Variants in KCNQ3 observed in about 807,000 individuals in gnomAD.
The protein encoded by KCNQ3 is potassium voltage-gated channel subfamily KQT member 3.
KCNQ3 carries 30 observed loss-of-function variants against 92.5 expected under a neutral mutation model. The observed-to-expected ratio is 0.32, with a 90% CI of 0.24 to 0.44. The LOEUF is 0.44. KCNQ3 is among the 20% of genes least tolerant of loss of function. KCNQ3 has a pLI of 1.00. For missense variants in KCNQ3, 913 were observed against 1,140.3 expected, an observed-to-expected ratio of 0.80 and a Z score of 2.87; for synonymous variants, 450 against 468.8, an observed-to-expected ratio of 0.96 and a Z score of 0.52.
intron 1 of KCNQ3, among the ~76,000 whole-genome samples, chr8:132,402,041 G>A (rs1340014514): frequency 6.6e-6 from 1 of 152,182 alleles, no homozygotes; most frequent in Non-Finnish European, 1.5e-5. Context: ...TGCAGACCTG[G>A]GGGCAAGGGT....
chr8:132,181,628 C>T (rs1428297154), intron 3 of KCNQ3, among the ~76,000 whole-genome samples: 1 of 152,302 alleles, frequency 6.6e-6, no homozygotes, highest in East Asian at 1.9e-4. Context: ...GCAAAGCCCT[C>T]TGTGTTCTGG....
intron 1 of KCNQ3, among the ~76,000 whole-genome samples, chr8:132,355,651 A>C (rs189566101): frequency 6.6e-6 from 1 of 152,158 alleles, no homozygotes; most frequent in Non-Finnish European, 1.5e-5. Flanking sequence ...CAAAGAGAAA[A>C]AGGGATGAGA....
chr8:132,186,797 T>C (rs1826969772), intron 1 of KCNQ3, among the ~76,000 whole-genome samples: 1 of 152,218 alleles, frequency 6.6e-6, no homozygotes, highest in Non-Finnish European at 1.5e-5. Context: ...GCATGCAGAA[T>C]GCTGGTCCTT....
chr8:132,229,546 G>A (rs1814561495), intron 1 of KCNQ3, among the ~76,000 whole-genome samples: 1 of 152,060 alleles, frequency 6.6e-6, no homozygotes, highest in African/African-American at 2.4e-5. Context: ...CATTTTGAAG[G>A]TGTGTTCAAG....
intron 1 of KCNQ3, among the ~76,000 whole-genome samples, chr8:132,195,406 AGCTGAGCCAG>A (rs1827273807): frequency 6.6e-6 from 1 of 152,254 alleles, no homozygotes; most frequent in Non-Finnish European, 1.5e-5. Context: ...AACTTGACGC[AGCTGAGCCAG>A]GCAATGGCAG....
rs920067943 is a variant in KCNQ3, at chr8:132,239,329, C to T, written c.387-53148G>A. On this transcript the variant is annotated intron_variant, in intron 1 of 14. Transcript: ENST00000388996. ...AAATCCAAGAAGATGTAATCAACCA[C>T]ATTCTCACACATGAATAAATAAAAG... 3.9e-5 allele frequency among the ~76,000 whole-genome samples: 6 copies of T among 152,314 alleles called. No individual in the cohort carries two copies. In the South Asian group the frequency reaches 1.2e-3, roughly 32 times the overall value.
At position 132,329,451 on chromosome 8, in the gene KCNQ3, A is replaced by G. The variant is rs560003480; in HGVS notation, c.387-143270T>C. On this transcript the variant is annotated intron_variant, in intron 1 of 14. Coordinates refer to ENST00000388996, the MANE Select transcript of KCNQ3 (RefSeq NM_004519.4). ...TATATATAGCAAAACGTCTGCTAGT[A>G]GAAAAGGATACTGGATTCTGAGATT... Among the ~76,000 whole-genome samples, 23 of 152,264 alleles carry G rather than the reference A, an allele frequency of 1.5e-4. No homozygotes were observed. In the South Asian group the frequency reaches 4.8e-3, roughly 32 times the overall value.
At chr8:132,403,043 T>C (rs1820387084) in intron 1 of KCNQ3, among the ~76,000 whole-genome samples, 1 of 103,588 alleles carries the variant, frequency 9.7e-6, no homozygotes, top group Non-Finnish European at 1.9e-5. Context: ...GTGTCAATAT[T>C]GGTATGTCAA....
chr8:132,418,241 G>T (rs1346509041), intron 1 of KCNQ3, among the ~76,000 whole-genome samples: 1 of 152,196 alleles, frequency 6.6e-6, no homozygotes, highest in Admixed American at 6.5e-5. Flanking sequence ...CAGACCATAG[G>T]CTTTCTGAAG....
chr8:132,196,376 T>A (rs1370512601), intron 1 of KCNQ3, among the ~76,000 whole-genome samples: 1 of 152,228 alleles, frequency 6.6e-6, no homozygotes, highest in Non-Finnish European at 1.5e-5. Context: ...TGCATTCCCA[T>A]AGGATTTCTT....
chr8:132,402,632 T>C (rs1053627379), intron 1 of KCNQ3, among the ~76,000 whole-genome samples: 12 of 152,134 alleles, frequency 7.9e-5, no homozygotes, highest in African/African-American at 2.9e-4. Flanking sequence ...GATACTATAA[T>C]GGTGGACATA....
chr8:132,306,507 G>T (rs7010949), intron 1 of KCNQ3, among the ~76,000 whole-genome samples: 118,362 of 152,124 alleles, frequency 0.78, 46,509 homozygotes, highest in East Asian at 0.92. Context: ...GGTGCCACCC[G>T]GAAACCTCAA....
chr8:132,286,695 T>C (rs948026424), intron 1 of KCNQ3, among the ~76,000 whole-genome samples: 2 of 152,202 alleles, frequency 1.3e-5, no homozygotes. Flanking sequence ...AGGACTGCTA[T>C]GGTTTAGATG....
chr8:132,213,578 T>C lies in KCNQ3; in HGVS notation c.387-27397A>G, dbSNP rs184468788. ...ACCCTCAGCTACTGCAGAGTGCATG[T>C]CACCCCTCTCATGCTGAGCTGATGG... is the stretch of plus-strand genomic sequence containing the variant. On this transcript the variant is annotated intron_variant, in intron 1 of 14. Transcript: ENST00000388996. Among the ~76,000 whole-genome samples, 417 of 152,298 alleles carry C rather than the reference T, an allele frequency of 2.7e-3. 12 individuals are homozygous for C. The highest frequency in any genetic ancestry group is 0.026 in the Admixed American group (402 of 15,296).
At chr8:132,361,031 C>T (rs1819151826) in intron 1 of KCNQ3, among the ~76,000 whole-genome samples, 1 of 152,198 alleles carries the variant, frequency 6.6e-6, no homozygotes, top group South Asian at 2.1e-4. Flanking sequence ...GCTCTTATCT[C>T]TCTGGTTTCC....
Position 132,121,208 on chromosome 8 carries a change from T to A in KCNQ3, c.*8054A>T, listed in dbSNP as rs987964156. On this transcript the variant is annotated 3_prime_UTR_variant, in exon 15 of 15. Transcript: ENST00000388996. ...CAATCCAAAATCAAATATAATGGAT[T>A]CATGTCACTGGGAACCTCCATTTGT... 2 of 152,192 alleles carry A rather than the reference T, an allele frequency of 1.3e-5. No homozygotes were observed. The highest frequency in any genetic ancestry group is 2.4e-5 in the African/African-American group (1 of 41,448). 9.4% of individuals were successfully genotyped at this position (152,192 alleles called of 1,614,324 possible). A position where few individuals can be genotyped will look rare whatever the true frequency, so the allele number is the denominator to read the frequency against.
At chr8:132,414,240 G>A (rs997627175) in intron 1 of KCNQ3, among the ~76,000 whole-genome samples, 1 of 152,172 alleles carries the variant, frequency 6.6e-6, no homozygotes, top group South Asian at 2.1e-4. Flanking sequence ...GGTCCCACAG[G>A]TTCCTCTGAT....
At chr8:132,169,940 C>A (rs1221754900) in intron 8 of KCNQ3, among the ~76,000 whole-genome samples, 1 of 152,068 alleles carries the variant, frequency 6.6e-6, no homozygotes, top group Non-Finnish European at 1.5e-5. Context: ...GTAGCACAAT[C>A]TCTGGTCACA....
At chr8:132,264,599 C>T (rs1475436153) in intron 1 of KCNQ3, among the ~76,000 whole-genome samples, 1 of 152,192 alleles carries the variant, frequency 6.6e-6, no homozygotes, top group Non-Finnish European at 1.5e-5. Context: ...CTTCATAAAA[C>T]ACGACATGTG....
Sources: allele counts gnomAD v4.1 joint callset (sites outside exome capture counted in the v4.1 genomes callset), GRCh38; gene constraint gnomAD v4.1.1; transcripts MANE v1.5; gene names NCBI Gene and HGNC (gene_info 2026-07-23, HGNC 2026-07-21).